PACSIN2: variants seen among roughly 807,000 people sequenced by gnomAD.
The protein encoded by PACSIN2 is protein kinase C and casein kinase substrate in neurons 2, also known as protein kinase C and casein kinase substrate in neurons protein 2.
PACSIN2 carries 25 observed loss-of-function variants against 63.8 expected under a neutral mutation model. That is an observed-to-expected ratio of 0.39 (90% confidence interval 0.29 to 0.55). The LOEUF (loss-of-function observed/expected upper bound fraction) is 0.55, where lower values mean the gene tolerates loss of function less well. PACSIN2 is among the 20% of genes least tolerant of loss of function. The pLI is 0.62. For missense variants in PACSIN2, 518 were observed against 646.9 expected (o/e 0.80, Z 2.16); for synonymous variants, 255 against 256.2 (o/e 1.00, Z 0.05).
chr22:42,953,813 A>G (rs538418409), intron 1 of PACSIN2, among the ~76,000 whole-genome samples: 19 of 152,224 alleles, frequency 1.2e-4, no homozygotes, highest in Non-Finnish European at 2.1e-4. Context: ...CGATAAACAT[A>G]TATGTGCCCT....
chr22:42,919,326 G>A (rs1380023210), intron 1 of PACSIN2, among the ~76,000 whole-genome samples: 4 of 152,090 alleles, frequency 2.6e-5, no homozygotes, highest in Admixed American at 1.3e-4. Flanking sequence ...TAAGAGGCTC[G>A]GGGCGACAGC....
chr22:42,960,216 G>A (rs7290939), intron 1 of PACSIN2, among the ~76,000 whole-genome samples: 9 of 152,322 alleles, frequency 5.9e-5, no homozygotes, highest in African/African-American at 1.9e-4. Context: ...CTGCTTACAA[G>A]AGAAAAAAGA....
intron 2 of PACSIN2, chr22:42,909,530 A>G: frequency 2.1e-6 from 1 of 471,170 alleles, no homozygotes; most frequent in Non-Finnish European, 4.4e-6. Flanking sequence ...GTCATGGAGA[A>G]GGCGGACGAC....
chr22:42,935,042 A>G (rs1286367034), intron 1 of PACSIN2, among the ~76,000 whole-genome samples: 2 of 150,364 alleles, frequency 1.3e-5, no homozygotes, highest in Admixed American at 6.6e-5. Context: ...CAGCCTCCTG[A>G]GTAGCTAGGA....
intron 1 of PACSIN2, among the ~76,000 whole-genome samples, chr22:42,954,821 G>A (rs1933846481): frequency 6.6e-6 from 1 of 152,146 alleles, no homozygotes; most frequent in African/African-American, 2.4e-5. Context: ...GGGATTCAAA[G>A]TCTCAAATTT....
intron 1 of PACSIN2, among the ~76,000 whole-genome samples, chr22:43,001,245 G>A (rs1923748439): frequency 6.6e-6 from 1 of 152,212 alleles, no homozygotes; most frequent in African/African-American, 2.4e-5. Flanking sequence ...ATGGTTCTGG[G>A]CTTGGGAGTA....
chr22:42,969,244 T>A (rs894670761), intron 1 of PACSIN2, among the ~76,000 whole-genome samples: 2 of 152,232 alleles, frequency 1.3e-5, no homozygotes, highest in Non-Finnish European at 1.5e-5. Flanking sequence ...AACTTAAAAG[T>A]GTATCTCATT....
chr22:42,970,569 T>A (rs890137885), intron 1 of PACSIN2, among the ~76,000 whole-genome samples: 1 of 152,206 alleles, frequency 6.6e-6, no homozygotes. Flanking sequence ...TCTGCACATA[T>A]AGAATTCTTG....
At chr22:42,928,592 T>A (rs1932681698) in intron 1 of PACSIN2, among the ~76,000 whole-genome samples, 1 of 152,244 alleles carries the variant, frequency 6.6e-6, no homozygotes, top group Non-Finnish European at 1.5e-5. Context: ...TGATGCTCAT[T>A]AAACTCAGTA....
intron 1 of PACSIN2, among the ~76,000 whole-genome samples, chr22:42,941,682 A>G (rs1160049961): frequency 1.3e-5 from 2 of 152,158 alleles, no homozygotes; most frequent in Non-Finnish European, 2.9e-5. Flanking sequence ...GGCCATTTGT[A>G]TACTATCTTT....
intron 1 of PACSIN2, among the ~76,000 whole-genome samples, chr22:42,974,354 C>G (rs1921532409): frequency 1.3e-5 from 2 of 152,178 alleles, no homozygotes; most frequent in African/African-American, 2.4e-5. Context: ...TGATCTACTT[C>G]TAAACAGTAG....
chr22:42,877,106 G>A, intron 8 of PACSIN2, 96 bp from the exon 9 acceptor site: 1 of 1,373,528 alleles, frequency 7.3e-7, no homozygotes, highest in Non-Finnish European at 1.0e-6. Flanking sequence ...AGACAAATCA[G>A]CTCCTCCTGT....
chr22:42,950,128 CTT>C (rs1226985442), intron 1 of PACSIN2, among the ~76,000 whole-genome samples: 1 of 151,966 alleles, frequency 6.6e-6, no homozygotes, highest in African/African-American at 2.4e-5. Context: ...CATGTACAGA[CTT>C]TTTTTGCTTG....
intron 1 of PACSIN2, among the ~76,000 whole-genome samples, chr22:42,921,325 G>A (rs966268107): frequency 4.0e-5 from 6 of 149,362 alleles, no homozygotes; most frequent in Non-Finnish European, 7.4e-5. Context: ...TGTCACTGTC[G>A]CCCACCCTGG....
intron 1 of PACSIN2, among the ~76,000 whole-genome samples, chr22:42,915,381 T>C (rs1015165665): frequency 6.6e-5 from 10 of 152,194 alleles, no homozygotes; most frequent in African/African-American, 1.9e-4. Flanking sequence ...GGTTACATGG[T>C]GGCAGAGCTG....
intron 7 of PACSIN2, among the ~76,000 whole-genome samples, chr22:42,879,634 G>C (rs959746259): frequency 6.6e-6 from 1 of 152,206 alleles, no homozygotes; most frequent in African/African-American, 2.4e-5. Flanking sequence ...CACCTGTCCT[G>C]AAGTGCTGAA....
At chr22:42,893,424 C>G in intron 3 of PACSIN2, 33 bp downstream of exon 3, 1 of 1,605,296 alleles carries the variant, frequency 6.2e-7, no homozygotes, top group Admixed American at 1.7e-5. Flanking sequence ...GTAGCTGCCT[C>G]CAGGCCACAG....
intron 1 of PACSIN2, among the ~76,000 whole-genome samples, chr22:42,994,724 T>A (rs1923282525): frequency 6.6e-6 from 1 of 152,146 alleles, no homozygotes; most frequent in African/African-American, 2.4e-5. Flanking sequence ...ATAGGGACAG[T>A]CACACTGGAA....
At chr22:42,971,772 C>T (rs1921301754) in intron 1 of PACSIN2, among the ~76,000 whole-genome samples, 2 of 151,288 alleles carry the variant, frequency 1.3e-5, no homozygotes, top group Admixed American at 6.6e-5. Context: ...TAGCCCCCGC[C>T]CGGCCAGCCG....
Sources: gnomAD v4.1 joint callset for allele counts (sites outside exome capture counted in the v4.1 genomes callset) on GRCh38, gnomAD v4.1.1 for gene constraint, MANE v1.5 for transcripts, NCBI Gene and HGNC (gene_info 2026-07-23, HGNC 2026-07-21) for gene names.